Variants in IMPA2 observed in about 807,000 individuals in gnomAD.
IMPA2 encodes IMP 2.
IMPA2 carries 32 observed loss-of-function variants against 35.1 expected under a neutral mutation model. That is an observed-to-expected ratio of 0.91 (90% confidence interval 0.69 to 1.23). IMPA2 has a LOEUF of 1.23. Ranked by LOEUF, IMPA2 falls within the 50% of genes most tolerant of loss-of-function variation. IMPA2 has a pLI of 0.00. For synonymous variants in IMPA2, 135 were observed against 160.6 expected, an observed-to-expected ratio of 0.84 and a Z score of 1.20; for missense variants, 334 against 387.6, an observed-to-expected ratio of 0.86 and a Z score of 1.16.
chr18:11,989,743 G>A (rs1191787244), intron 1 of IMPA2, among the ~76,000 whole-genome samples: 1 of 152,196 alleles, frequency 6.6e-6, no homozygotes. Context: ...GAGGCTGGTA[G>A]ATGGCTCATC....
At chr18:11,988,652 G>T (rs1191381351) in intron 1 of IMPA2, among the ~76,000 whole-genome samples, 1 of 152,158 alleles carries the variant, frequency 6.6e-6, no homozygotes. Flanking sequence ...CAGCCTCTGA[G>T]TTGGATGTGG....
At chr18:11,988,708 G>T (rs1906731291) in intron 1 of IMPA2, among the ~76,000 whole-genome samples, 1 of 152,194 alleles carries the variant, frequency 6.6e-6, no homozygotes, top group Non-Finnish European at 1.5e-5. Flanking sequence ...AGGGGTTTAG[G>T]CCTGAAAAGC....
chr18:11,984,351 CT>C (rs1243101867), intron 1 of IMPA2, among the ~76,000 whole-genome samples: 2 of 152,214 alleles, frequency 1.3e-5, no homozygotes, highest in East Asian at 3.9e-4. Context: ...GGCTGTTGGG[CT>C]TTTGGGGAGG....
intron 4 of IMPA2, 161 bp downstream of exon 4, chr18:12,012,376 C>A: frequency 1.5e-6 from 1 of 676,822 alleles, no homozygotes. Context: ...AGAAAATAAA[C>A]AAGTCCAGAC....
intron 4 of IMPA2, chr18:12,012,435 C>T (rs1284887759): frequency 1.1e-5 from 6 of 568,662 alleles, no homozygotes; most frequent in Non-Finnish European, 1.9e-5. Context: ...CCTTGTCCCC[C>T]GTGGAGGGCT....
rs183391900 is a variant in IMPA2, at chr18:12,019,167, G to T, written c.490+4794G>T. On this transcript the variant is annotated intron_variant, in intron 5 of 7. Transcript: ENST00000269159. The stretch of plus-strand genomic sequence containing the variant: ...AAAATGTCTAACCTCACATAGATAC[G>T]TAGTTTAAAAAAGGAGAAGTGTTTT... Among the ~76,000 whole-genome samples the T allele has an allele frequency of 6.0e-3, 917 of 152,172 alleles. 5 individuals carry two copies. Among genetic ancestry groups the T allele is most frequent in the South Asian group, 0.011 (52 of 4,826 alleles).
At chr18:12,001,161 G>A (rs28474785) in intron 2 of IMPA2, among the ~76,000 whole-genome samples, 109 of 151,960 alleles carry the variant, frequency 7.2e-4, no homozygotes, top group Middle Eastern at 3.4e-3. Flanking sequence ...CCTGGGAGGC[G>A]GAGGTTGCAG....
intron 2 of IMPA2, among the ~76,000 whole-genome samples, chr18:12,001,127 G>A (rs1440484062): frequency 6.6e-6 from 1 of 151,834 alleles, no homozygotes; most frequent in Non-Finnish European, 1.5e-5. Flanking sequence ...TACTCGGGAG[G>A]CTGAGGCAGG....
chr18:12,003,650 TAAAAAAAAAAAAAAGAAAAGGA>T (rs1907173659), intron 2 of IMPA2, among the ~76,000 whole-genome samples: 1 of 80,026 alleles, frequency 1.2e-5, no homozygotes, highest in Non-Finnish European at 2.1e-5. Flanking sequence ...GACTCCATCT[TAAAAAAAAAAAAAAGAAAAGGA>T]AAAAAAAAAA....
At chr18:11,998,521 C>A (rs935558490) in intron 1 of IMPA2, among the ~76,000 whole-genome samples, 1 of 152,240 alleles carries the variant, frequency 6.6e-6, no homozygotes, top group Non-Finnish European at 1.5e-5. Context: ...TCAGTGGGAA[C>A]ATTTACAATC....
chr18:12,023,261 G>T (rs181853910), intron 5 of IMPA2, among the ~76,000 whole-genome samples: 1 of 152,276 alleles, frequency 6.6e-6, no homozygotes, highest in African/African-American at 2.4e-5. Flanking sequence ...AGACAAGCTT[G>T]GGTGTAAGTC....
chr18:12,007,265 G>A (rs3786286), intron 2 of IMPA2, among the ~76,000 whole-genome samples: 3 of 152,138 alleles, frequency 2.0e-5, no homozygotes, highest in Non-Finnish European at 4.4e-5. Context: ...AGTGGTAGCC[G>A]CTCACCCACG....
At chr18:12,019,431 T>A (rs1391200176) in intron 5 of IMPA2, among the ~76,000 whole-genome samples, 1 of 150,862 alleles carries the variant, frequency 6.6e-6, no homozygotes, top group Non-Finnish European at 1.5e-5. Context: ...TTTTTTTTTT[T>A]TTTTTTTTGT....
At chr18:12,014,119 A>G in intron 4 of IMPA2, 146 bp from the exon 5 acceptor site, 1 of 645,080 alleles carries the variant, frequency 1.6e-6, no homozygotes, top group East Asian at 2.9e-5. Context: ...GCTTTTTCTC[A>G]GTTCCTTTTG....
At chr18:12,012,127 C>A in intron 3 of IMPA2, 43 bp from the exon 4 acceptor site, 1 of 1,593,160 alleles carries the variant, frequency 6.3e-7, no homozygotes, top group Non-Finnish European at 8.6e-7. Flanking sequence ...CGAGAGCTGC[C>A]GCTCTTGTTC....
intron 1 of IMPA2, among the ~76,000 whole-genome samples, chr18:11,997,812 G>A (rs968064658): frequency 5.9e-5 from 9 of 152,210 alleles, no homozygotes; most frequent in Non-Finnish European, 1.2e-4. Context: ...CTCTGAGTTC[G>A]TTTTTAGGTG....
At chr18:12,012,059 C>A (rs1907447068) in intron 3 of IMPA2, 111 bp from the exon 4 acceptor site, 2 of 885,072 alleles carry the variant, frequency 2.3e-6, no homozygotes, top group Admixed American at 2.2e-5. Flanking sequence ...AACCAACCCA[C>A]CCAGAGTGTA....
chr18:11,995,061 G>C (rs1156915630), intron 1 of IMPA2: 1 of 152,380 alleles, frequency 6.6e-6, no homozygotes, highest in East Asian at 1.9e-4. Flanking sequence ...GGGGAGGGGA[G>C]CTGAGAAAGG....
chr18:12,029,396 G>A (rs1167637234), intron 7 of IMPA2, among the ~76,000 whole-genome samples: 1 of 151,602 alleles, frequency 6.6e-6, no homozygotes, highest in Admixed American at 6.6e-5. Flanking sequence ...TTACAGGCAT[G>A]AGCCACTATG....
Sources: allele counts gnomAD v4.1 joint callset (sites outside exome capture counted in the v4.1 genomes callset), GRCh38; gene constraint gnomAD v4.1.1; transcripts MANE v1.5; gene names NCBI Gene and HGNC (gene_info 2026-07-23, HGNC 2026-07-21).